The following LHFPL6 variants were observed in gnomAD, a reference collection of about 807,000 sequenced individuals.
LHFPL6 encodes LHFPL tetraspan subfamily member 6 protein.
A neutral mutation model predicts 20.6 loss-of-function variants in LHFPL6; 9 were observed. The ratio of observed to expected loss-of-function variants is 0.44; its 90% CI spans 0.26 to 0.76. The LOEUF is 0.76. LHFPL6 is among the 30% of genes least tolerant of loss of function. The pLI is 0.20. For missense variants in LHFPL6, 218 were observed against 253.5 expected (o/e 0.86, Z 0.95); for synonymous variants, 105 against 98.7 (o/e 1.06, Z -0.38).
intron 2 of LHFPL6, among the ~76,000 whole-genome samples, chr13:39,591,053 G>A (rs1566149448): frequency 6.6e-6 from 1 of 152,172 alleles, no homozygotes; most frequent in Non-Finnish European, 1.5e-5. Context: ...GCGAAAAAGT[G>A]TTGCATAGCT....
At chr13:39,397,673 T>G (rs1379584662) in intron 2 of LHFPL6, among the ~76,000 whole-genome samples, 2 of 152,340 alleles carry the variant, frequency 1.3e-5, no homozygotes, top group African/African-American at 4.8e-5. Flanking sequence ...ATGCACAGAC[T>G]GTTATTCTGA....
intron 2 of LHFPL6, among the ~76,000 whole-genome samples, chr13:39,475,430 T>TC (rs1345059481): frequency 6.7e-6 from 1 of 149,540 alleles, no homozygotes; most frequent in African/African-American, 2.4e-5. Flanking sequence ...TGCTCCATCT[T>TC]TTTTTTTTTG....
At chr13:39,386,633 T>C (rs1870570127) in intron 2 of LHFPL6, among the ~76,000 whole-genome samples, 1 of 152,216 alleles carries the variant, frequency 6.6e-6, no homozygotes, top group Non-Finnish European at 1.5e-5. Context: ...TATTTGACCA[T>C]CATCATGTTT....
At chr13:39,518,485 G>A (rs1870000935) in intron 2 of LHFPL6, among the ~76,000 whole-genome samples, 2 of 152,076 alleles carry the variant, frequency 1.3e-5, no homozygotes, top group African/African-American at 4.8e-5. Flanking sequence ...ATTTGAAATA[G>A]CCCAGTAGAA....
chr13:39,431,066 A>G (rs1871784471), intron 2 of LHFPL6, among the ~76,000 whole-genome samples: 1 of 152,164 alleles, frequency 6.6e-6, no homozygotes, highest in South Asian at 2.1e-4. Flanking sequence ...CACTGGGAGG[A>G]AAAAACAACT....
At chr13:39,571,066 C>G (rs1234076032) in intron 2 of LHFPL6, among the ~76,000 whole-genome samples, 1 of 152,156 alleles carries the variant, frequency 6.6e-6, no homozygotes, top group African/African-American at 2.4e-5. Context: ...CAAGCTTATT[C>G]TTTTTAGGAA....
intron 2 of LHFPL6, among the ~76,000 whole-genome samples, chr13:39,408,149 G>A (rs1264183950): frequency 6.6e-6 from 1 of 152,144 alleles, no homozygotes; most frequent in Admixed American, 6.5e-5. Flanking sequence ...TCCCCAAAGT[G>A]TCAAAAACTA....
At chr13:39,602,484 C>T (rs942297953) in intron 1 of LHFPL6, among the ~76,000 whole-genome samples, 1 of 152,162 alleles carries the variant, frequency 6.6e-6, no homozygotes, top group African/African-American at 2.4e-5. Flanking sequence ...GGCCACGAGG[C>T]TGGGGAAGAC....
chr13:39,562,695 C>CACACATATAT (rs765672489), intron 2 of LHFPL6, among the ~76,000 whole-genome samples: 11 of 146,470 alleles, frequency 7.5e-5, no homozygotes, highest in Middle Eastern at 7.0e-3. Flanking sequence ...CACACACACA[C>CACACATATAT]ATATATATAT....
intron 2 of LHFPL6, among the ~76,000 whole-genome samples, chr13:39,495,857 T>G (rs1179877346): frequency 1.3e-5 from 2 of 150,146 alleles, no homozygotes; most frequent in Non-Finnish European, 3.0e-5. Context: ...CCAGCAGTGT[T>G]GTAGAAAGAC....
At chr13:39,426,795 G>T (rs1871649922) in intron 2 of LHFPL6, among the ~76,000 whole-genome samples, 1 of 151,976 alleles carries the variant, frequency 6.6e-6, no homozygotes, top group Admixed American at 6.5e-5. Context: ...TTCTTTTATT[G>T]ATTGAGCATT....
intron 2 of LHFPL6, among the ~76,000 whole-genome samples, chr13:39,539,089 C>G (rs1870715405): frequency 6.6e-6 from 1 of 152,142 alleles, no homozygotes; most frequent in South Asian, 2.1e-4. Flanking sequence ...GACTCACAGG[C>G]CATAGTTTTC....
chr13:39,351,634 C>T (rs1195093352), intron 3 of LHFPL6, among the ~76,000 whole-genome samples: 1 of 152,166 alleles, frequency 6.6e-6, no homozygotes, highest in South Asian at 2.1e-4. Context: ...TAACTCTGTA[C>T]TTCTATATTT....
chr13:39,511,346 T>C (rs969678117), intron 2 of LHFPL6, among the ~76,000 whole-genome samples: 3 of 152,052 alleles, frequency 2.0e-5, no homozygotes, highest in Admixed American at 2.0e-4. Context: ...GGCTAAAAAA[T>C]TGCAAATGAG....
At chr13:39,564,033 T>C (rs150975005) in intron 2 of LHFPL6, among the ~76,000 whole-genome samples, 9 of 152,268 alleles carry the variant, frequency 5.9e-5, no homozygotes, top group African/African-American at 2.2e-4. Context: ...TCAGTAAACA[T>C]GGACTGCTAT....
chr13:39,535,520 G>A (rs896313625), intron 2 of LHFPL6, among the ~76,000 whole-genome samples: 1 of 152,188 alleles, frequency 6.6e-6, no homozygotes, highest in Non-Finnish European at 1.5e-5. Context: ...AAGAAACTTA[G>A]ATAAAAATTC....
chr13:39,443,845 C>CTAGT, intron 2 of LHFPL6, among the ~76,000 whole-genome samples: 1 of 151,230 alleles, frequency 6.6e-6, no homozygotes, highest in Non-Finnish European at 1.5e-5. Flanking sequence ...CAATAAGTTA[C>CTAGT]ATGAGATATT....
chr13:39,509,121 G>A (rs566082877), intron 2 of LHFPL6, among the ~76,000 whole-genome samples: 16 of 152,060 alleles, frequency 1.1e-4, no homozygotes, highest in African/African-American at 3.6e-4. Context: ...TTTTTATGTG[G>A]TTATTTGCCA....
chr13:39,395,925 T>G (rs553428394), intron 2 of LHFPL6, among the ~76,000 whole-genome samples: 8 of 152,326 alleles, frequency 5.3e-5, no homozygotes, highest in Admixed American at 2.0e-4. Context: ...TCTATTTCCT[T>G]TACATTAAAA....
Sources: gnomAD v4.1 joint callset for allele counts (sites outside exome capture counted in the v4.1 genomes callset) on GRCh38, gnomAD v4.1.1 for gene constraint, MANE v1.5 for transcripts, NCBI Gene and HGNC (gene_info 2026-07-23, HGNC 2026-07-21) for gene names.